OCA2: variants seen among roughly 807,000 people sequenced by gnomAD.
OCA2 encodes P protein.
Under a neutral mutation model 100.2 loss-of-function variants are expected in OCA2, and 77 were observed. That is an observed-to-expected ratio of 0.77 (90% CI 0.64 to 0.93). The LOEUF (loss-of-function observed/expected upper bound fraction) is 0.93. Among genes scored for constraint, OCA2 ranks in the 40% least tolerant of loss-of-function variants. The pLI, the probability that OCA2 is intolerant of heterozygous loss-of-function variation, is 0.00. For missense variants in OCA2, 1,062 were observed against 1,089.1 expected, an observed-to-expected ratio of 0.98 and a Z score of 0.35; for synonymous variants, 432 against 439.2, an observed-to-expected ratio of 0.98 and a Z score of 0.21.
the OCA2 span, among the ~76,000 whole-genome samples, chr15:27,747,077 T>C: frequency 3.3e-5 from 5 of 152,170 alleles, no homozygotes; most frequent in Non-Finnish European, 7.3e-5. Context: ...ACTTGAAAAT[T>C]AATACCATCA....
At chr15:28,081,968 T>A in intron 1 of OCA2, 73 bp from the exon 2 acceptor site, 1 of 1,242,668 alleles carries the variant, frequency 8.0e-7, no homozygotes, top group Non-Finnish European at 1.1e-6. Flanking sequence ...TGGGAGTCCG[T>A]ACAATAGGAA....
intron 18 of OCA2, among the ~76,000 whole-genome samples, chr15:27,932,018 C>A (rs1205258311): frequency 6.6e-6 from 1 of 152,178 alleles, no homozygotes; most frequent in Non-Finnish European, 1.5e-5. Context: ...AGCAAGGCAC[C>A]ACTTTGAATT....
chr15:27,727,095 G>A, the OCA2 span, among the ~76,000 whole-genome samples: 13 of 152,234 alleles, frequency 8.5e-5, no homozygotes, highest in African/African-American at 2.9e-4. Context: ...GGCGCACCAT[G>A]TGCAACAAAG....
intron 1 of OCA2, among the ~76,000 whole-genome samples, chr15:28,082,169 C>T (rs1429079503): frequency 6.6e-6 from 1 of 152,078 alleles, no homozygotes; most frequent in African/African-American, 2.4e-5. Flanking sequence ...GTAAATGCAC[C>T]AATCAGCAAT....
chr15:27,925,323 C>T (rs2039004923), intron 19 of OCA2, among the ~76,000 whole-genome samples: 1 of 152,118 alleles, frequency 6.6e-6, no homozygotes, highest in Non-Finnish European at 1.5e-5. Context: ...AGATCAAATG[C>T]TAGACCGTAA....
intron 22 of OCA2, 91 bp from the exon 23 acceptor site, chr15:27,845,143 G>C: frequency 1.1e-6 from 1 of 946,398 alleles, no homozygotes; most frequent in Non-Finnish European, 1.7e-6. Context: ...CATCTCACAG[G>C]CTTTGATTTG....
chr15:27,930,597 T>C (rs1042539210), intron 18 of OCA2, among the ~76,000 whole-genome samples: 7 of 151,634 alleles, frequency 4.6e-5, no homozygotes, highest in African/African-American at 1.7e-4. Context: ...AGAGAGAGTG[T>C]CTGGCTAAAA....
chr15:27,795,215 C>A (rs1296138409), intron 23 of OCA2, among the ~76,000 whole-genome samples: 2 of 152,206 alleles, frequency 1.3e-5, no homozygotes, highest in African/African-American at 4.8e-5. Context: ...TGTGCTCCAA[C>A]CCGTACTGAA....
intron 11 of OCA2, among the ~76,000 whole-genome samples, chr15:27,989,273 C>G (rs2041464926): frequency 6.6e-6 from 1 of 152,216 alleles, no homozygotes; most frequent in African/African-American, 2.4e-5. Flanking sequence ...GGTACTCTCT[C>G]TCCCACTGAA....
At chr15:27,946,085 G>T (rs2039822587) in intron 18 of OCA2, among the ~76,000 whole-genome samples, 1 of 152,114 alleles carries the variant, frequency 6.6e-6, no homozygotes, top group Non-Finnish European at 1.5e-5. Context: ...CAGAAATCAT[G>T]CTCGGATGAC....
intron 23 of OCA2, among the ~76,000 whole-genome samples, chr15:27,768,172 G>C (rs971175067): frequency 6.6e-6 from 1 of 152,222 alleles, no homozygotes; most frequent in African/African-American, 2.4e-5. Context: ...GTCTGAGCTA[G>C]GCAGGCTGAG....
chr15:27,752,108 A>G (rs1371043464), downstream of OCA2, among the ~76,000 whole-genome samples: 2 of 152,178 alleles, frequency 1.3e-5, no homozygotes, highest in Non-Finnish European at 2.9e-5. Context: ...GCCGTGTGTC[A>G]AAGGTAAGGC....
intron 22 of OCA2, among the ~76,000 whole-genome samples, chr15:27,848,083 T>C (rs1353686385): frequency 1.3e-5 from 2 of 152,072 alleles, no homozygotes; most frequent in Non-Finnish European, 2.9e-5. Context: ...TGAGGTTTGG[T>C]CTCAGGGCCA....
intron 23 of OCA2, among the ~76,000 whole-genome samples, chr15:27,822,960 C>T (rs369975414): frequency 6.6e-6 from 1 of 152,164 alleles, no homozygotes; most frequent in Non-Finnish European, 1.5e-5. Flanking sequence ...GTTGTCCTAT[C>T]GTGAGTTCAC....
At chr15:27,958,404 G>T (rs753159964) in intron 15 of OCA2, among the ~76,000 whole-genome samples, 46 of 152,204 alleles carry the variant, frequency 3.0e-4, no homozygotes, top group Non-Finnish European at 6.2e-4. Context: ...AGTGAAAATT[G>T]AAAACACAAG....
At chr15:27,807,436 C>T (rs2033903129) in intron 23 of OCA2, among the ~76,000 whole-genome samples, 1 of 152,132 alleles carries the variant, frequency 6.6e-6, no homozygotes, top group Admixed American at 6.5e-5. Context: ...CCCAGCTTCC[C>T]CATGTCTTCA....
intron 23 of OCA2, among the ~76,000 whole-genome samples, chr15:27,827,295 A>T (rs2034767158): frequency 6.6e-6 from 1 of 152,220 alleles, no homozygotes; most frequent in Non-Finnish European, 1.5e-5. Context: ...ATCTGATTTA[A>T]ATGAGGGAAA....
chr15:27,995,813 C>CT (rs768060710), intron 9 of OCA2, among the ~76,000 whole-genome samples: 5,442 of 136,796 alleles, frequency 0.04, 358 homozygotes, highest in African/African-American at 0.13. Flanking sequence ...TTAAGCAACA[C>CT]TTTTTTTTTT....
intron 21 of OCA2, among the ~76,000 whole-genome samples, chr15:27,853,868 A>G (rs1396964874): frequency 6.6e-6 from 1 of 152,184 alleles, no homozygotes; most frequent in Non-Finnish European, 1.5e-5. Context: ...ACACAAACAG[A>G]AAGCGGACCC....
Sources: gnomAD v4.1 joint callset for allele counts (sites outside exome capture counted in the v4.1 genomes callset) on GRCh38, gnomAD v4.1.1 for gene constraint, MANE v1.5 for transcripts, NCBI Gene and HGNC (gene_info 2026-07-23, HGNC 2026-07-21) for gene names.